Variants in ATG10 observed in about 807,000 individuals in gnomAD.
ATG10 encodes the protein ubiquitin-like-conjugating enzyme ATG10.
ATG10 carries 30 observed loss-of-function variants against 32.1 expected under a neutral mutation model. The observed-to-expected ratio is 0.94, with a 90% CI of 0.70 to 1.27. ATG10 has a LOEUF of 1.27. Ranked by LOEUF, ATG10 falls within the 50% of genes most tolerant of loss-of-function variation. The pLI is 0.00. For synonymous variants in ATG10, 87 were observed against 91.5 expected (o/e 0.95, Z 0.28); for missense variants, 233 against 262.3 (o/e 0.89, Z 0.77).
At chr5:82,079,266 CT>C (rs1331715467) in intron 3 of ATG10, among the ~76,000 whole-genome samples, 1 of 152,010 alleles carries the variant, frequency 6.6e-6, no homozygotes, top group Non-Finnish European at 1.5e-5. Flanking sequence ...TTCCACATGG[CT>C]AGGGAGGCCT....
At chr5:81,978,293 C>T (rs888804237) in intron 1 of ATG10, among the ~76,000 whole-genome samples, 1 of 152,144 alleles carries the variant, frequency 6.6e-6, no homozygotes, top group Non-Finnish European at 1.5e-5. Flanking sequence ...TGGTCTCAAA[C>T]TCCTGACCTC....
intron 5 of ATG10, among the ~76,000 whole-genome samples, chr5:82,232,851 C>T (rs1185764376): frequency 1.3e-5 from 2 of 152,164 alleles, no homozygotes; most frequent in African/African-American, 2.4e-5. Flanking sequence ...CAGCTTCCTT[C>T]TCTCCCCAGG....
intron 3 of ATG10, among the ~76,000 whole-genome samples, chr5:82,111,682 A>G (rs572519015): frequency 7.9e-5 from 12 of 152,008 alleles, no homozygotes; most frequent in Non-Finnish European, 1.6e-4. Flanking sequence ...TTACATTTTT[A>G]AAGTGAAGCT....
intron 5 of ATG10, among the ~76,000 whole-genome samples, chr5:82,220,444 A>G (rs1237561822): frequency 1.3e-5 from 2 of 151,440 alleles, no homozygotes; most frequent in African/African-American, 4.9e-5. Context: ...TTGTATTTTT[A>G]GTAGAGATGG....
At chr5:82,133,814 A>G (rs1361807904) in intron 3 of ATG10, among the ~76,000 whole-genome samples, 1 of 152,008 alleles carries the variant, frequency 6.6e-6, no homozygotes, top group East Asian at 1.9e-4. Flanking sequence ...TTTGGGCAGT[A>G]TGGCCATTTT....
Position 81,979,849 on chromosome 5 carries a change from T to TA in ATG10, c.-13+7543_-13+7544insA, listed in dbSNP as rs1026121315. 6.1e-4 allele frequency among the ~76,000 whole-genome samples: 93 copies of TA among 151,452 alleles called. 1 individual carries two copies. Among genetic ancestry groups the TA allele is most frequent in the Admixed American group, 2.9e-3 (44 of 15,222 alleles). On this transcript the variant is annotated intron_variant, in intron 1 of 7. Transcript: ENST00000282185. Reference sequence around the variant, plus strand: ...TTTATAGGTAAATATTTTAAATCTTTTTTTTTTTCCATCTTAGAACAGTTT... The same window carrying TA: ...TTTATAGGTAAATATTTTAAATCTTTATTTTTTTTCCATCTTAGAACAGTTT...
At chr5:82,086,810 A>G (rs568082395) in intron 3 of ATG10, among the ~76,000 whole-genome samples, 31 of 152,216 alleles carry the variant, frequency 2.0e-4, no homozygotes, top group Non-Finnish European at 4.3e-4. Context: ...ATCACAGTGT[A>G]TAATATTCCT....
chr5:82,053,651 G>GA (rs35532136), intron 2 of ATG10, among the ~76,000 whole-genome samples: 52,465 of 151,932 alleles, frequency 0.35, 10,396 homozygotes, highest in East Asian at 0.76. Context: ...TTTTGGCTGT[G>GA]AGGAAGTATT....
At chr5:82,203,237 A>AG (rs1362585357) in intron 5 of ATG10, among the ~76,000 whole-genome samples, 1 of 152,046 alleles carries the variant, frequency 6.6e-6, no homozygotes, top group African/African-American at 2.4e-5. Context: ...AAAAAAAAAA[A>AG]AAAAGTAATG....
intron 3 of ATG10, among the ~76,000 whole-genome samples, chr5:82,127,642 C>T (rs1462296707): frequency 2.6e-5 from 4 of 152,088 alleles, no homozygotes; most frequent in African/African-American, 9.7e-5. Flanking sequence ...GCACTGTGGT[C>T]TGAGAGACTG....
At chr5:82,151,787 A>G (rs1767606295) in intron 3 of ATG10, among the ~76,000 whole-genome samples, 1 of 152,348 alleles carries the variant, frequency 6.6e-6, no homozygotes, top group Non-Finnish European at 1.5e-5. Flanking sequence ...ACCTAATGAC[A>G]GTATGAAGCA....
At chr5:82,083,329 C>T (rs141483332) in intron 3 of ATG10, among the ~76,000 whole-genome samples, 8,016 of 152,224 alleles carry the variant, frequency 0.053, 273 homozygotes, top group East Asian at 0.077. Context: ...ACAAAGTGGC[C>T]GGGAAGCTCG....
chr5:82,032,941 A>G (rs1762784844), intron 2 of ATG10, among the ~76,000 whole-genome samples: 1 of 152,102 alleles, frequency 6.6e-6, no homozygotes, highest in Non-Finnish European at 1.5e-5. Flanking sequence ...TATGCCAGGA[A>G]ATCTGTTTGG....
chr5:82,251,513 ATTCCCACAT>A (rs1561379553), intron 5 of ATG10, among the ~76,000 whole-genome samples: 1 of 152,190 alleles, frequency 6.6e-6, no homozygotes, highest in Non-Finnish European at 1.5e-5. Context: ...CTGAACCTGC[ATTCCCACAT>A]GGGACAGTTG....
At chr5:82,005,849 C>T (rs557380155) in intron 2 of ATG10, among the ~76,000 whole-genome samples, 2 of 152,058 alleles carry the variant, frequency 1.3e-5, no homozygotes, top group Non-Finnish European at 2.9e-5. Flanking sequence ...ATATTTTATA[C>T]AATTAATACT....
intron 2 of ATG10, among the ~76,000 whole-genome samples, chr5:82,050,868 A>C (rs1048378100): frequency 7.4e-5 from 11 of 148,114 alleles, no homozygotes; most frequent in Admixed American, 2.0e-4. Flanking sequence ...AAAAAAAAAA[A>C]ATCAGCCAGA....
intron 2 of ATG10, among the ~76,000 whole-genome samples, chr5:82,043,937 A>G (rs1230384746): frequency 6.6e-6 from 1 of 151,888 alleles, no homozygotes; most frequent in Non-Finnish European, 1.5e-5. Context: ...GAGCCCTCCA[A>G]ACTGTTCCAA....
At chr5:82,174,681 A>C (rs1274613655) in intron 4 of ATG10, among the ~76,000 whole-genome samples, 2 of 152,216 alleles carry the variant, frequency 1.3e-5, no homozygotes, top group Non-Finnish European at 2.9e-5. Context: ...TTGTTGGAAT[A>C]AATATTGGTT....
intron 3 of ATG10, among the ~76,000 whole-genome samples, chr5:82,079,768 A>T (rs1256508319): frequency 1.3e-5 from 2 of 152,138 alleles, no homozygotes; most frequent in South Asian, 2.1e-4. Context: ...TCTATCACTG[A>T]TAGACATTTG....
Sources: allele counts gnomAD v4.1 joint callset (sites outside exome capture counted in the v4.1 genomes callset), GRCh38; gene constraint gnomAD v4.1.1; transcripts MANE v1.5; gene names NCBI Gene and HGNC (gene_info 2026-07-23, HGNC 2026-07-21).